KCNU1: variants seen among roughly 807,000 people sequenced by gnomAD.
KCNU1 encodes the protein potassium calcium-activated channel subfamily U member 1.
Under a neutral mutation model 126.8 loss-of-function variants are expected in KCNU1, and 93 were observed. The ratio of observed to expected loss-of-function variants is 0.73; its 90% CI spans 0.62 to 0.87. The LOEUF (loss-of-function observed/expected upper bound fraction) is 0.87, where lower values mean the gene tolerates loss of function less well. Ranked by LOEUF, KCNU1 falls within the 40% of genes least tolerant of loss-of-function variation. The pLI, the probability that KCNU1 is intolerant of heterozygous loss-of-function variation, is 0.00. For synonymous variants in KCNU1, 523 were observed against 494.2 expected, an observed-to-expected ratio of 1.06 and a Z score of -0.77; for missense variants, 1,330 against 1,367.1, an observed-to-expected ratio of 0.97 and a Z score of 0.43.
chr8:36,875,030 G>A (rs1806229443), intron 19 of KCNU1, among the ~76,000 whole-genome samples: 1 of 151,918 alleles, frequency 6.6e-6, no homozygotes, highest in Non-Finnish European at 1.5e-5. Context: ...ATGAATGTAA[G>A]TGGTATTATA....
At chr8:36,888,130 C>A (rs752206909) in intron 19 of KCNU1, among the ~76,000 whole-genome samples, 1 of 151,910 alleles carries the variant, frequency 6.6e-6, no homozygotes, top group Non-Finnish European at 1.5e-5. Context: ...GTAACAGAAA[C>A]AAACTAAGAG....
chr8:36,928,342 T>C (rs1015407285), intron 24 of KCNU1, among the ~76,000 whole-genome samples: 1 of 152,128 alleles, frequency 6.6e-6, no homozygotes, highest in African/African-American at 2.4e-5. Flanking sequence ...AATGGCATTA[T>C]GTTCGATCAC....
chr8:36,825,796 G>T (rs544309837), intron 10 of KCNU1, among the ~76,000 whole-genome samples: 1 of 151,516 alleles, frequency 6.6e-6, no homozygotes, highest in Non-Finnish European at 1.5e-5. Context: ...TTCATTGAAG[G>T]ACAATTTCAC....
chr8:36,788,207 G>A (rs181315222), intron 2 of KCNU1, among the ~76,000 whole-genome samples: 24 of 151,826 alleles, frequency 1.6e-4, no homozygotes, highest in African/African-American at 5.1e-4. Flanking sequence ...TCATCTTCTC[G>A]GGGCATCCTA....
intron 2 of KCNU1, among the ~76,000 whole-genome samples, chr8:36,794,996 G>A (rs1360637506): frequency 1.3e-5 from 2 of 152,106 alleles, no homozygotes; most frequent in Non-Finnish European, 2.9e-5. Context: ...GCTGAAGAAA[G>A]AGAAGCCTAG....
intron 19 of KCNU1, among the ~76,000 whole-genome samples, chr8:36,901,664 C>A (rs894965651): frequency 1.3e-5 from 2 of 152,158 alleles, no homozygotes; most frequent in African/African-American, 4.8e-5. Context: ...GGAGATGGGA[C>A]CCTGAGAACA....
intron 10 of KCNU1, among the ~76,000 whole-genome samples, chr8:36,829,816 A>T (rs988844154): frequency 2.0e-5 from 3 of 151,164 alleles, no homozygotes; most frequent in African/African-American, 7.3e-5. Flanking sequence ...ATAATTTCCC[A>T]GGTAGAGAGC....
At chr8:36,922,722 C>A in intron 24 of KCNU1, 93 bp downstream of exon 24, 2 of 1,259,320 alleles carry the variant, frequency 1.6e-6, no homozygotes, top group Non-Finnish European at 2.2e-6. Flanking sequence ...TAACACCTCA[C>A]AGTTCTAAGT....
intron 19 of KCNU1, among the ~76,000 whole-genome samples, chr8:36,869,086 TAGAA>T (rs1352660917): frequency 6.6e-6 from 1 of 152,174 alleles, no homozygotes; most frequent in African/African-American, 2.4e-5. Context: ...AATTAGATAT[TAGAA>T]AGAAAAGTTT....
chr8:36,786,076 G>T, intron 1 of KCNU1, among the ~76,000 whole-genome samples: 1 of 149,060 alleles, frequency 6.7e-6, no homozygotes, highest in African/African-American at 2.5e-5. Context: ...AGAGTGACCT[G>T]TTTTTCTCTA....
chr8:36,795,084 T>C (rs919236285), intron 2 of KCNU1, among the ~76,000 whole-genome samples: 2 of 152,226 alleles, frequency 1.3e-5, no homozygotes, highest in Non-Finnish European at 2.9e-5. Flanking sequence ...GGAGAGCTAA[T>C]TCTACCCCAC....
At chr8:36,852,701 G>A (rs1208015360) in intron 18 of KCNU1, among the ~76,000 whole-genome samples, 1 of 151,958 alleles carries the variant, frequency 6.6e-6, no homozygotes, top group African/African-American at 2.4e-5. Flanking sequence ...GTATACTTAT[G>A]TGTACATATG....
chr8:36,845,633 G>A lies in KCNU1; in HGVS notation c.1757G>A (p.Gly586Glu), dbSNP rs773657878. The A allele has an allele frequency of 5.0e-6, 8 of 1,610,224 alleles. No homozygotes were observed. The Admixed American group carries it at 1.3e-4, about 27-fold the overall frequency. The change falls in exon 17 of 27, where the codon GGG becomes GAG. Residue 586 changes from glycine (G) to glutamate (E), a missense_variant. Physicochemically the swap from Gly to Glu is moderately conservative, Grantham distance 98 (BLOSUM62 -2). Transcript: ENST00000399881. ...PQVRIRKNTLGFFIAETPKDV... is the reference protein window; with the variant it reads ...PQVRIRKNTLEFFIAETPKDV... ...GTGAGGATACGTAAGAACACATTAG[G>A]GTTCTTTATTGCTGAAACTCCAAAG...
chr8:36,909,274 T>A, intron 20 of KCNU1, 37 bp from the exon 21 acceptor site: 1 of 1,344,854 alleles, frequency 7.4e-7, no homozygotes. Flanking sequence ...TCATCTTGCT[T>A]ATGAAAATGA....
At chr8:36,854,465 G>T in intron 18 of KCNU1, among the ~76,000 whole-genome samples, 1 of 138,110 alleles carries the variant, frequency 7.2e-6, no homozygotes, top group South Asian at 2.3e-4. Context: ...CTTTGAGTAT[G>T]CTGATTCTTT....
chr8:36,851,300 A>T (rs1805334249), intron 18 of KCNU1, among the ~76,000 whole-genome samples: 1 of 151,704 alleles, frequency 6.6e-6, no homozygotes, highest in South Asian at 2.1e-4. Context: ...GATTATGGGG[A>T]TGGTTTCCCC....
Position 36,814,223 on chromosome 8 carries a change from A to T in KCNU1, c.749A>T (p.Asp250Val), listed in dbSNP as rs1585405876. ...TTTGGACAGGTGGAAAATTCTGGTG[A>T]TCCCTGGCTCAAAGGTAGAAATTCA... ...GFIHLVENSG[D>V]PWLKGRNSQN... The change falls in exon 8 of 27, where the codon GAT becomes GTT. Residue 250 changes from aspartate (D) to valine (V), a missense_variant. By Grantham distance (152) the Asp-to-Val change is radical. Around this residue, in one of 3 missense-constraint regions of KCNU1, gnomAD observed 29 missense variants for 57.8 expected, o/e 0.50. Transcript: ENST00000399881. 1 of 1,613,150 alleles carries T rather than the reference A, an allele frequency of 6.2e-7. No individual in the cohort carries two copies. The highest frequency in any genetic ancestry group is 8.5e-7 in the Non-Finnish European group (1 of 1,179,450).
chr8:36,894,270 A>G (rs976409903), intron 19 of KCNU1, among the ~76,000 whole-genome samples: 4 of 152,156 alleles, frequency 2.6e-5, no homozygotes, highest in Non-Finnish European at 5.9e-5. Flanking sequence ...ACTTATCACA[A>G]TATTCTCAAT....
intron 25 of KCNU1, among the ~76,000 whole-genome samples, chr8:36,932,200 G>A (rs999460947): frequency 6.6e-6 from 1 of 152,116 alleles, no homozygotes; most frequent in Non-Finnish European, 1.5e-5. Context: ...CTGGTCCTTT[G>A]CATTTCCGTA....
Sources: allele counts gnomAD v4.1 joint callset (sites outside exome capture counted in the v4.1 genomes callset), GRCh38; gene constraint gnomAD v4.1.1; regional missense constraint gnomAD v4.1.1; transcripts MANE v1.5; gene names NCBI Gene and HGNC (gene_info 2026-07-23, HGNC 2026-07-21).